DNAAF10: variants seen among roughly 807,000 people sequenced by gnomAD.
DNAAF10 encodes the protein dynein axonemal assembly factor 10.
Under a neutral mutation model 43.7 loss-of-function variants are expected in DNAAF10, and 28 were observed. The observed-to-expected ratio is 0.64, with a 90% CI of 0.48 to 0.88. The LOEUF (loss-of-function observed/expected upper bound fraction) is 0.88. DNAAF10 is among the 40% of genes least tolerant of loss of function. DNAAF10 has a pLI of 0.00. For synonymous variants in DNAAF10, 156 were observed against 157.3 expected, an observed-to-expected ratio of 0.99 and a Z score of 0.06; for missense variants, 403 against 439.1, an observed-to-expected ratio of 0.92 and a Z score of 0.73.
chr2:68,133,635 C>T (rs1359375342), intron 7 of DNAAF10, among the ~76,000 whole-genome samples: 2 of 151,958 alleles, frequency 1.3e-5, no homozygotes, highest in African/African-American at 4.8e-5. Context: ...CACCTGTAAT[C>T]CTAGTTACTC....
chr2:68,130,307 T>C lies in DNAAF10; in HGVS notation c.*931A>G, dbSNP rs1672903717. On this transcript the variant is annotated 3_prime_UTR_variant, in exon 8 of 8. Coordinates refer to ENST00000295121, the MANE Select transcript of DNAAF10 (RefSeq NM_138458.4). Reference sequence around the variant, plus strand: ...CACTAAGCCCAGCTAATTTTTTGTATTTTTAGTAGAGACGGGTTTTGACCA... The same window carrying C: ...CACTAAGCCCAGCTAATTTTTTGTACTTTTAGTAGAGACGGGTTTTGACCA... 1 of 151,738 alleles carries C rather than the reference T, an allele frequency of 6.6e-6. No homozygotes were observed. Among genetic ancestry groups the C allele is most frequent in the South Asian group, 2.1e-4 (1 of 4,792 alleles). The allele number at this position is 151,738 out of a possible 1,614,324, so 9.4% of individuals were successfully genotyped here. A position where few individuals can be genotyped will look rare whatever the true frequency, so the allele number is the denominator to read the frequency against.
chr2:68,156,724 C>G (rs1376275175), intron 1 of DNAAF10, among the ~76,000 whole-genome samples: 4 of 152,224 alleles, frequency 2.6e-5, no homozygotes, highest in Non-Finnish European at 4.4e-5. Flanking sequence ...GTCCTTTACT[C>G]CTAGTTTGAC....
At chr2:68,134,531 G>C in intron 7 of DNAAF10, 171 bp downstream of exon 7, 1 of 1,469,610 alleles carries the variant, frequency 6.8e-7, no homozygotes, top group Non-Finnish European at 8.9e-7. Flanking sequence ...TAAGTGTAAA[G>C]TATATTCATA....
intron 1 of DNAAF10, among the ~76,000 whole-genome samples, chr2:68,148,889 G>C (rs1044413756): frequency 2.0e-5 from 3 of 152,140 alleles, no homozygotes; most frequent in African/African-American, 7.2e-5. Context: ...GGCCTTCTAC[G>C]CATTTACAAA....
At chr2:68,150,896 AGAT>A (rs1332775526) in intron 1 of DNAAF10, among the ~76,000 whole-genome samples, 1 of 152,216 alleles carries the variant, frequency 6.6e-6, no homozygotes, top group Non-Finnish European at 1.5e-5. Flanking sequence ...CCCTGTGCAG[AGAT>A]AGAACTGACT....
At chr2:68,145,244 A>G (rs1673287452) in intron 2 of DNAAF10, among the ~76,000 whole-genome samples, 1 of 151,546 alleles carries the variant, frequency 6.6e-6, no homozygotes, top group South Asian at 2.1e-4. Context: ...AAAGAAAAGG[A>G]AAAAAACAAC....
intron 7 of DNAAF10, chr2:68,134,453 C>T: frequency 1.6e-6 from 2 of 1,259,864 alleles, no homozygotes; most frequent in Non-Finnish European, 2.0e-6. Context: ...CCAACTTTTT[C>T]ATACTTAGAA....
rs778374307 is a variant in DNAAF10, at chr2:68,144,718, A to G, written c.285-3T>C. The G allele has an allele frequency of 1.2e-6, 2 of 1,607,892 alleles. No individual in the cohort carries two copies. The highest frequency in any genetic ancestry group is 1.1e-5 in the South Asian group (1 of 89,492). On this transcript the variant is annotated splice_polypyrimidine_tract_variant and splice_region_variant and intron_variant, in intron 2 of 7. Coordinates refer to ENST00000295121, the MANE Select transcript of DNAAF10 (RefSeq NM_138458.4). Reference sequence around the variant, plus strand: ...GCATCTCTGGAGCTTCTAAATTCCTAAACAACAAACACAGCTTCTTACACC... The same window carrying G: ...GCATCTCTGGAGCTTCTAAATTCCTGAACAACAAACACAGCTTCTTACACC...
At chr2:68,141,623 G>A in intron 4 of DNAAF10, 71 bp downstream of exon 4, 1 of 1,408,632 alleles carries the variant, frequency 7.1e-7, no homozygotes, top group Non-Finnish European at 1.0e-6. Context: ...AGAGACTACT[G>A]TGAAATTTCT....
intron 6 of DNAAF10, among the ~76,000 whole-genome samples, 190 bp downstream of exon 6, chr2:68,137,109 A>T (rs1673061202): frequency 6.6e-6 from 1 of 152,202 alleles, no homozygotes; most frequent in Non-Finnish European, 1.5e-5. Flanking sequence ...TATAATCAAG[A>T]AGTCTAAAGT....
At chr2:68,153,530 C>G (rs773528721) in intron 1 of DNAAF10, among the ~76,000 whole-genome samples, 3 of 151,874 alleles carry the variant, frequency 2.0e-5, no homozygotes, top group Non-Finnish European at 2.9e-5. Flanking sequence ...ACTCTGATTT[C>G]TAAACCTTAC....
intron 6 of DNAAF10, 65 bp from the exon 7 acceptor site, chr2:68,134,864 G>A (rs1393359181): frequency 6.4e-7 from 1 of 1,562,516 alleles, no homozygotes. Context: ...GAGAAACGCT[G>A]CAAATAAAAA....
At position 68,141,719 on chromosome 2, in the gene DNAAF10, CT is replaced by C. The variant is rs769232952; in HGVS notation, c.491del (p.Lys164ArgfsTer59). On this transcript the variant is annotated frameshift_variant, in exon 4 of 8. Transcript: ENST00000295121. LOFTEE classifies it high-confidence loss of function. ...ANMEPVQGEN[K>X]RDCWTVAFGN... ...CAAATGCCACAGTCCAACAGTCTCT[CT>C]TGTTTTCTCCTTGTACAGGTTCCAT... 6.2e-7 allele frequency: 1 copy of C among 1,614,116 alleles called. No individual in the cohort carries two copies. The highest frequency in any genetic ancestry group is 1.7e-5 in the Admixed American group (1 of 60,022).
At chr2:68,153,820 C>A (rs1183809496) in intron 1 of DNAAF10, among the ~76,000 whole-genome samples, 1 of 139,206 alleles carries the variant, frequency 7.2e-6, no homozygotes, top group East Asian at 2.2e-4. Context: ...GGCGCGATCT[C>A]GGCTCACTGC....
chr2:68,140,966 A>G (rs1572920672), intron 4 of DNAAF10, among the ~76,000 whole-genome samples: 1 of 152,330 alleles, frequency 6.6e-6, no homozygotes. Flanking sequence ...GATGATTTAA[A>G]GTATACGGGA....
Position 68,131,356 on chromosome 2 carries a change from A to C in DNAAF10, c.956T>G (p.Leu319Trp). The C allele has an allele frequency of 6.2e-7, 1 of 1,614,178 alleles. No individual in the cohort carries two copies. The highest frequency in any genetic ancestry group is 1.6e-4 in the Middle Eastern group (1 of 6,062). The change falls in exon 8 of 8, where the codon TTG (leucine) becomes TGG (tryptophan). Residue 319 changes from leucine (L) to tryptophan (W), a missense_variant. By Grantham distance (61) the Leu-to-Trp change is moderately conservative. Transcript: ENST00000295121. ...GSVSLLQNVT[L>W]STQPISSLDW... ...CAAACTTGAAATGGGCTGGGTGGAC[A>C]ACGTAACATTCTGCAGAAGGCTTAC...
chr2:68,141,888 G>T, intron 3 of DNAAF10, 93 bp from the exon 4 acceptor site: 1 of 999,880 alleles, frequency 1.0e-6, no homozygotes, highest in Non-Finnish European at 1.6e-6. Flanking sequence ...TGTGTACATG[G>T]CAATATGACA....
At chr2:68,139,731 G>A (rs918404350) in intron 4 of DNAAF10, among the ~76,000 whole-genome samples, 1 of 151,422 alleles carries the variant, frequency 6.6e-6, no homozygotes, top group African/African-American at 2.4e-5. Flanking sequence ...ATGAACCTGG[G>A]AGGCAGAGCT....
At chr2:68,156,996 C>G in intron 1 of DNAAF10, 1 of 542,230 alleles carries the variant, frequency 1.8e-6, no homozygotes, top group Non-Finnish European at 3.3e-6. Flanking sequence ...CCTCTTCCAA[C>G]CACACTGCAG....
Sources: gnomAD v4.1 joint callset for allele counts (sites outside exome capture counted in the v4.1 genomes callset) on GRCh38, gnomAD v4.1.1 for gene constraint, MANE v1.5 for transcripts, NCBI Gene and HGNC (gene_info 2026-07-23, HGNC 2026-07-21) for gene names.